The following ZNF611 variants were observed in gnomAD, a reference collection of about 807,000 sequenced individuals.
ZNF611 encodes zinc finger protein 611.
ZNF611 carries 6 observed loss-of-function variants against 8.9 expected under a neutral mutation model. The observed-to-expected ratio is 0.68, with a 90% CI of 0.37 to 1.34. The LOEUF (loss-of-function observed/expected upper bound fraction) is 1.34. ZNF611 is among the 40% of genes most tolerant of loss of function. ZNF611 has a pLI of 0.02. For missense variants in ZNF611, 874 were observed against 841.3 expected (o/e 1.04, Z -0.48); for synonymous variants, 262 against 279.7 (o/e 0.94, Z 0.63).
intron 3 of ZNF611, among the ~76,000 whole-genome samples, chr19:52,720,585 G>C (rs1486286610): frequency 1.4e-5 from 2 of 145,868 alleles, no homozygotes; most frequent in Non-Finnish European, 3.0e-5. Context: ...TCACTTCCCA[G>C]ACGGGGCAGC....
At chr19:52,711,403 A>T (rs1459926129) in intron 5 of ZNF611, 1 of 152,226 alleles carries the variant, frequency 6.6e-6, no homozygotes, top group African/African-American at 2.4e-5. Flanking sequence ...TTATTTCTCA[A>T]ATAATGACAG....
Position 52,705,658 on chromosome 19 carries a change from C to G in ZNF611, c.1397G>C (p.Ser466Thr). The G allele has an allele frequency of 6.2e-7, 1 of 1,612,538 alleles. No homozygotes were observed. The highest frequency in any genetic ancestry group is 8.5e-7 in the Non-Finnish European group (1 of 1,179,528). ...CKVCDKAFVWSSQLAKHTRID... is the reference protein window; with the variant it reads ...CKVCDKAFVWTSQLAKHTRID... ...TCTAGTATGTTTTGCCAGTTGTGAA[C>G]TCCACACAAAAGCCTTGTCACAAAC... The change falls in exon 6 of 6, where the codon AGT becomes ACT. Residue 466 changes from serine to threonine, a missense_variant. Physicochemically the swap from Ser to Thr is moderately conservative, Grantham distance 58. Transcript: ENST00000652185.
chr19:52,706,477 A>G lies in ZNF611; in HGVS notation c.578T>C (p.Phe193Ser), dbSNP rs779581135. The change falls in exon 6 of 6, where the codon TTC (phenylalanine) becomes TCC (serine). Residue 193 changes from phenylalanine (F) to serine (S), a missense_variant. Phe to Ser is a radical substitution (Grantham distance 155). Transcript: ENST00000652185. ...STNDAPSVSTFQRISCRPQTQ... is the reference protein window; with the variant it reads ...STNDAPSVSTSQRISCRPQTQ... ...TTGGGGCCTACAGGAAATTCTTTGG[A>G]ATGTTGAAACTGAGGGAGCATCATT... 9 of 1,614,030 alleles carry G rather than the reference A, an allele frequency of 5.6e-6. No homozygotes were observed. The highest frequency in any genetic ancestry group is 7.6e-6 in the Non-Finnish European group (9 of 1,180,040).
chr19:52,733,491 G>T (rs1829369170), intron 1 of ZNF611, among the ~76,000 whole-genome samples: 1 of 151,986 alleles, frequency 6.6e-6, no homozygotes, highest in Admixed American at 6.6e-5. Flanking sequence ...TGGCGGGGGG[G>T]AGGTCTCACT....
intron 1 of ZNF611, among the ~76,000 whole-genome samples, chr19:52,732,828 C>T (rs1356747680): frequency 1.3e-5 from 2 of 151,374 alleles, no homozygotes; most frequent in African/African-American, 4.9e-5. Context: ...GTGGCTCATG[C>T]CTCTGGTCTC....
At chr19:52,730,647 C>T (rs1600337349) in intron 1 of ZNF611, among the ~76,000 whole-genome samples, 1 of 151,500 alleles carries the variant, frequency 6.6e-6, no homozygotes. Flanking sequence ...TGCAATGTCA[C>T]GATCTTGGCT....
chr19:52,724,243 C>T (rs1446426929), intron 3 of ZNF611: 1 of 152,224 alleles, frequency 6.6e-6, no homozygotes, highest in Non-Finnish European at 1.5e-5. Flanking sequence ...GCAGAGGTCC[C>T]TGCGGCCTTC....
At position 52,703,321 on chromosome 19, in the gene ZNF611, A is replaced by C. The variant is rs1194042884; in HGVS notation, c.*1616T>G. 1 of 152,108 alleles carries C rather than the reference A, an allele frequency of 6.6e-6. No homozygotes were observed. The highest frequency in any genetic ancestry group is 2.4e-5 in the African/African-American group (1 of 41,422). The allele number at this position is 152,108 out of a possible 1,614,324, so 9.4% of individuals were successfully genotyped here. On this transcript the variant is annotated 3_prime_UTR_variant, in exon 6 of 6. Transcript: ENST00000652185. ...GTTTGAGATGGAGACTCACTCTGCC[A>C]CCCAGGCTGCAGTATAGTGGCACAA...
At chr19:52,733,670 C>T (rs915787955) in intron 1 of ZNF611, among the ~76,000 whole-genome samples, 1 of 151,846 alleles carries the variant, frequency 6.6e-6, no homozygotes, top group African/African-American at 2.4e-5. Flanking sequence ...TTCTCCCCTT[C>T]TCTCTCTAGC....
At chr19:52,727,152 C>T (rs753268303) in intron 3 of ZNF611, among the ~76,000 whole-genome samples, 2 of 152,162 alleles carry the variant, frequency 1.3e-5, no homozygotes, top group Non-Finnish European at 2.9e-5. Flanking sequence ...ACTCGTGAGT[C>T]ACTGTGCCTG....
chr19:52,724,971 C>G (rs1263697067), intron 3 of ZNF611, among the ~76,000 whole-genome samples: 3 of 152,202 alleles, frequency 2.0e-5, no homozygotes, highest in Non-Finnish European at 4.4e-5. Context: ...CACCCATCCT[C>G]TACTTTGCCA....
At position 52,729,979 on chromosome 19, in the gene ZNF611, A is replaced by C. The variant is rs1332023707; in HGVS notation, c.-195T>G. 1 of 152,236 alleles carries C rather than the reference A, an allele frequency of 6.6e-6. No homozygotes were observed. Among genetic ancestry groups the C allele is most frequent in the African/African-American group, 2.4e-5 (1 of 41,460 alleles). The allele number at this position is 152,236 out of a possible 1,614,324, so 9.4% of individuals were successfully genotyped here. A position where few individuals can be genotyped will look rare whatever the true frequency, so the allele number is the denominator to read the frequency against. On this transcript the variant is annotated 5_prime_UTR_variant, in exon 2 of 6. Transcript: ENST00000652185. ...CAGGCAATACAGCAATTTTGTATAT[A>C]TGCATTGTCCTTCGTTATCTAGTCA...
At chr19:52,710,991 C>G (rs1415277254) in intron 5 of ZNF611, among the ~76,000 whole-genome samples, 1 of 150,668 alleles carries the variant, frequency 6.6e-6, no homozygotes, top group Non-Finnish European at 1.5e-5. Context: ...CGAGACTGCA[C>G]CACTGCAGTC....
chr19:52,719,981 T>C (rs1316424698), intron 3 of ZNF611, among the ~76,000 whole-genome samples: 1 of 152,214 alleles, frequency 6.6e-6, no homozygotes, highest in Non-Finnish European at 1.5e-5. Flanking sequence ...TTAAGGAGCA[T>C]GCTGCCTTTA....
chr19:52,726,147 G>A (rs190023366), intron 3 of ZNF611, among the ~76,000 whole-genome samples: 1 of 152,182 alleles, frequency 6.6e-6, no homozygotes, highest in South Asian at 2.1e-4. Flanking sequence ...AGTCCACCCT[G>A]TGCTCAGCTT....
chr19:52,713,053 G>A (rs186809358), intron 5 of ZNF611, among the ~76,000 whole-genome samples: 4 of 152,096 alleles, frequency 2.6e-5, no homozygotes, highest in African/African-American at 7.2e-5. Flanking sequence ...AAAATTAGTC[G>A]GGTGTGGTGA....
At chr19:52,719,892 T>G (rs1396090245) in intron 3 of ZNF611, among the ~76,000 whole-genome samples, 3 of 152,234 alleles carry the variant, frequency 2.0e-5, no homozygotes, top group Non-Finnish European at 1.5e-5. Flanking sequence ...GGTCTCTGGT[T>G]TTCCTAGGCA....
chr19:52,709,008 T>C (rs1433401746), intron 5 of ZNF611, among the ~76,000 whole-genome samples: 1 of 152,210 alleles, frequency 6.6e-6, no homozygotes, highest in African/African-American at 2.4e-5. Flanking sequence ...GAATGTGTAC[T>C]AGGAAAATTT....
chr19:52,718,121 C>T (rs2062330037), intron 3 of ZNF611, among the ~76,000 whole-genome samples: 1 of 151,944 alleles, frequency 6.6e-6, no homozygotes, highest in Admixed American at 6.6e-5. Flanking sequence ...AGGGCATGAT[C>T]ACAAGGTTAG....
Sources: allele counts gnomAD v4.1 joint callset (sites outside exome capture counted in the v4.1 genomes callset), GRCh38; gene constraint gnomAD v4.1.1; transcripts MANE v1.5; gene names NCBI Gene and HGNC (gene_info 2026-07-23, HGNC 2026-07-21).